The following ERC1 variants were observed in gnomAD, a reference collection of about 807,000 sequenced individuals.
ERC1 encodes the protein ELKS/RAB6-interacting/CAST family member 1.
In ERC1, 56 loss-of-function variants were observed where a neutral mutation model predicts 132.0. The ratio of observed to expected loss-of-function variants is 0.42; its 90% CI spans 0.34 to 0.53. The LOEUF is 0.53. ERC1 is among the 20% of genes least tolerant of loss of function. ERC1 has a pLI of 0.03. For missense variants in ERC1, 1,202 were observed against 1,349.9 expected (o/e 0.89, Z 1.72); for synonymous variants, 478 against 476.1 (o/e 1.00, Z -0.05).
chr12:1,279,057 T>C (rs866208084), intron 14 of ERC1, among the ~76,000 whole-genome samples: 1 of 152,186 alleles, frequency 6.6e-6, no homozygotes, highest in Non-Finnish European at 1.5e-5. Context: ...TTTTCCTAAT[T>C]GTATGTTTTC....
rs1429193466 is a variant in ERC1 at position 1,180,282 on chromosome 12, T to TGTGC, written c.1738-257_1738-256insTGCG. On this transcript the variant is annotated intron_variant, in intron 8 of 18. Coordinates refer to ENST00000360905, the MANE Select transcript of ERC1 (RefSeq NM_178040.4). ...GTGTGTGTGTGTGTGTGTGTGTGTG[T>TGTGC]GCGCGCACGCGTGTGCGCGCGCGCA... is the stretch of plus-strand genomic sequence containing the variant. 7.1e-4 allele frequency among the ~76,000 whole-genome samples: 102 copies of TGTGC among 144,314 alleles called. 1 individual carries two copies. The Middle Eastern group carries it at 0.011, about 16-fold the overall frequency. 94.7% of individuals were successfully genotyped at this position (144,314 alleles called of 152,430 possible). A position where few individuals can be genotyped will look rare whatever the true frequency, so the allele number is the denominator to read the frequency against.
Position 1,180,291 on chromosome 12 carries a change from G to A in ERC1, c.1738-249G>A, listed in dbSNP as rs578262780. Among the ~76,000 whole-genome samples, 364 of 130,272 alleles carry A rather than the reference G, an allele frequency of 2.8e-3. 1 individual carries two copies. The highest frequency in any genetic ancestry group is 0.014 in the African/African-American group (316 of 22,468). 85.5% of individuals were successfully genotyped at this position (130,272 alleles called of 152,430 possible). ...TGTGTGTGTGTGTGTGTGCGCGCAC[G>A]CGTGTGCGCGCGCGCATACACATGT... On this transcript the variant is annotated intron_variant, in intron 8 of 18. Transcript: ENST00000360905.
At chr12:1,458,746 C>T (rs1237159331) in intron 18 of ERC1, among the ~76,000 whole-genome samples, 1 of 152,162 alleles carries the variant, frequency 6.6e-6, no homozygotes, top group Admixed American at 6.5e-5. Context: ...CCATGTTGGT[C>T]AGGCTGGTCT....
chr12:1,218,757 G>T (rs1401353983), intron 12 of ERC1, among the ~76,000 whole-genome samples: 1 of 151,042 alleles, frequency 6.6e-6, no homozygotes, highest in Non-Finnish European at 1.5e-5. Flanking sequence ...TCCTTTTGTG[G>T]TGTTTCTGAT....
intron 15 of ERC1, among the ~76,000 whole-genome samples, chr12:1,309,185 C>G (rs147181902): frequency 6.6e-6 from 1 of 152,230 alleles, no homozygotes; most frequent in African/African-American, 2.4e-5. Context: ...GACTAAGATA[C>G]ACCGCAACCA....
At chr12:1,440,317 G>C (rs533549185) in intron 17 of ERC1, among the ~76,000 whole-genome samples, 56 of 143,034 alleles carry the variant, frequency 3.9e-4, no homozygotes, top group Admixed American at 1.7e-3. Flanking sequence ...CCATTCTCCT[G>C]CCTCAGCCTC....
At chr12:1,122,253 ATCTC>A (rs1200149935) in intron 7 of ERC1, among the ~76,000 whole-genome samples, 1 of 6,412 alleles carries the variant, frequency 1.6e-4, no homozygotes, top group Non-Finnish European at 3.5e-4. Context: ...CTCTATCTCT[ATCTC>A]TATCTCTATC....
At chr12:1,303,341 G>C (rs1033288490) in intron 15 of ERC1, among the ~76,000 whole-genome samples, 1 of 152,140 alleles carries the variant, frequency 6.6e-6, no homozygotes, top group African/African-American at 2.4e-5. Flanking sequence ...TCTCAATCTT[G>C]ATGCTGCTTT....
At chr12:1,120,114 A>T (rs1002977730) in intron 7 of ERC1, among the ~76,000 whole-genome samples, 3 of 151,986 alleles carry the variant, frequency 2.0e-5, no homozygotes, top group East Asian at 1.9e-4. Context: ...CAGCATCTTG[A>T]GTAGCTAGGA....
intron 10 of ERC1, 33 bp downstream of exon 10, chr12:1,182,098 G>T (rs2154271182): frequency 6.2e-7 from 1 of 1,604,914 alleles, no homozygotes; most frequent in African/African-American, 1.3e-5. Context: ...TAGTTTGTTT[G>T]CTTAATCATT....
chr12:1,291,248 G>T (rs2079430190), intron 15 of ERC1, among the ~76,000 whole-genome samples: 1 of 152,174 alleles, frequency 6.6e-6, no homozygotes, highest in African/African-American at 2.4e-5. Context: ...CATTATGAGT[G>T]ATATGTCTTG....
intron 13 of ERC1, chr12:1,257,166 A>AATG (rs1309971761): frequency 7.1e-6 from 1 of 140,578 alleles, no homozygotes; most frequent in Non-Finnish European, 1.5e-5. Flanking sequence ...TCCGTGTTGT[A>AATG]ATGACACTCA....
Position 1,119,277 on chromosome 12 carries a change from TC to T in ERC1, c.1569+3247del, listed in dbSNP as rs201700341. On this transcript the variant is annotated intron_variant, in intron 7 of 18. Coordinates refer to ENST00000360905, the MANE Select transcript of ERC1 (RefSeq NM_178040.4). ...TGTTTTGTTTTTTTTGTTTTTTTTT[TC>T]CCTATTCAGGGTACATGGACTAAGG... 9.4e-3 allele frequency among the ~76,000 whole-genome samples: 1,407 copies of T among 149,682 alleles called. 20 individuals carry two copies. The highest frequency in any genetic ancestry group is 0.032 in the African/African-American group (1,281 of 40,468).
At chr12:1,232,897 A>T (rs1030898278) in intron 12 of ERC1, among the ~76,000 whole-genome samples, 51 of 146,786 alleles carry the variant, frequency 3.5e-4, no homozygotes, top group Non-Finnish European at 6.0e-4. Flanking sequence ...ATGGAAAAAT[A>T]AAAAAAAAAC....
At chr12:1,005,237 G>A (rs1002356939) in intron 1 of ERC1, among the ~76,000 whole-genome samples, 24 of 151,730 alleles carry the variant, frequency 1.6e-4, no homozygotes, top group Non-Finnish European at 3.5e-4. Flanking sequence ...CTACAGCCTC[G>A]ACCTCCCAGG....
intron 12 of ERC1, among the ~76,000 whole-genome samples, chr12:1,198,858 G>T (rs890317723): frequency 1.3e-5 from 2 of 152,166 alleles, no homozygotes; most frequent in African/African-American, 2.4e-5. Flanking sequence ...ACAGCACTAG[G>T]GGGATGGTGC....
intron 17 of ERC1, among the ~76,000 whole-genome samples, chr12:1,417,948 G>A (rs115110822): frequency 8.8e-4 from 134 of 152,212 alleles, no homozygotes; most frequent in African/African-American, 3.0e-3. Flanking sequence ...TGTTTTCATT[G>A]AAACCAATAT....
chr12:1,341,661 T>TG (rs2083908746), intron 15 of ERC1, among the ~76,000 whole-genome samples: 1 of 23,834 alleles, frequency 4.2e-5, no homozygotes, highest in Admixed American at 5.9e-4. Flanking sequence ...GGGCCTGTCA[T>TG]GGGGTGGGGG....
chr12:1,050,874 G>A (rs1014505105), intron 2 of ERC1, among the ~76,000 whole-genome samples: 3 of 151,986 alleles, frequency 2.0e-5, no homozygotes, highest in African/African-American at 7.3e-5. Flanking sequence ...GCGTGGTGGC[G>A]CGTTCCTGTA....
Sources: allele counts gnomAD v4.1 joint callset (sites outside exome capture counted in the v4.1 genomes callset), GRCh38; gene constraint gnomAD v4.1.1; transcripts MANE v1.5; gene names NCBI Gene and HGNC (gene_info 2026-07-23, HGNC 2026-07-21).